The following MACROD2 variants were observed in gnomAD, a reference collection of about 807,000 sequenced individuals.
The protein encoded by MACROD2 is mono-ADP ribosylhydrolase 2.
MACROD2 carries 36 observed loss-of-function variants against 70.4 expected under a neutral mutation model. The ratio of observed to expected loss-of-function variants is 0.51; its 90% CI spans 0.39 to 0.68. The LOEUF (loss-of-function observed/expected upper bound fraction) is 0.68. MACROD2 is among the 30% of genes least tolerant of loss of function. The probability of loss-of-function intolerance (pLI) is 0.00; values close to 1 mark genes in which losing one functional copy is unlikely to be tolerated. For missense variants in MACROD2, 496 were observed against 538.4 expected (o/e 0.92, Z 0.78); for synonymous variants, 172 against 178.8 (o/e 0.96, Z 0.30).
chr20:14,899,858 G>A (rs1009976587), intron 5 of MACROD2, among the ~76,000 whole-genome samples: 2 of 152,146 alleles, frequency 1.3e-5, no homozygotes, highest in African/African-American at 4.8e-5. Flanking sequence ...TAACTGGGCA[G>A]TGTTGGTTGT....
chr20:15,210,571 G>A (rs1402511687), intron 5 of MACROD2, among the ~76,000 whole-genome samples: 8 of 79,274 alleles, frequency 1.0e-4, no homozygotes, highest in Non-Finnish European at 1.4e-4. Context: ...TTTTTTTTTG[G>A]TTTATTTTGT....
intron 3 of MACROD2, among the ~76,000 whole-genome samples, chr20:14,365,278 T>C (rs1053946654): frequency 3.9e-5 from 6 of 151,996 alleles, no homozygotes; most frequent in African/African-American, 1.4e-4. Context: ...AGTATTCTCT[T>C]ATAATCATTT....
chr20:14,873,231 G>C (rs1281133964), intron 5 of MACROD2, among the ~76,000 whole-genome samples: 1 of 152,086 alleles, frequency 6.6e-6, no homozygotes, highest in Non-Finnish European at 1.5e-5. Context: ...TAAACTTATT[G>C]AGTCTTCCTG....
intron 5 of MACROD2, among the ~76,000 whole-genome samples, chr20:14,798,115 T>C (rs1010235377): frequency 1.8e-4 from 28 of 152,028 alleles, no homozygotes; most frequent in African/African-American, 6.8e-4. Context: ...AGTAATTATT[T>C]TCAGATATGT....
At chr20:14,343,917 G>C (rs1182744868) in intron 3 of MACROD2, among the ~76,000 whole-genome samples, 1 of 152,274 alleles carries the variant, frequency 6.6e-6, no homozygotes, top group East Asian at 1.9e-4. Context: ...TCGTCATTTT[G>C]AAACCATCTT....
chr20:15,642,696 C>A (rs2049480376), intron 8 of MACROD2, among the ~76,000 whole-genome samples: 1 of 151,866 alleles, frequency 6.6e-6, no homozygotes, highest in Non-Finnish European at 1.5e-5. Context: ...ATAATCTTTT[C>A]TTTGCTAGAA....
In MACROD2 at chr20:14,337,536, G is replaced by T. The variant is rs564466349; in HGVS notation, c.272-155943G>T. On this transcript the variant is annotated intron_variant, in intron 3 of 17. Coordinates refer to ENST00000684519, the MANE Select transcript of MACROD2 (RefSeq NM_001351661.2). ...AGTCCACACAAAGCCCACGGCAGCT[G>T]CAGGCTGAGCTTGTCCTGCTTCAGA... 4.3e-5 allele frequency: 17 copies of T among 398,602 alleles called. No individual in the cohort carries two copies. The South Asian group carries it at 1.8e-3, about 42-fold the overall frequency. The allele number at this position is 398,602 out of a possible 1,614,324, so 24.7% of individuals were successfully genotyped here. A position where few individuals can be genotyped will look rare whatever the true frequency, so the allele number is the denominator to read the frequency against.
At chr20:15,187,511 A>G (rs934456705) in intron 5 of MACROD2, among the ~76,000 whole-genome samples, 1 of 152,174 alleles carries the variant, frequency 6.6e-6, no homozygotes, top group Non-Finnish European at 1.5e-5. Context: ...AGCTGTCCCC[A>G]TGCACAACAG....
chr20:14,619,899 G>A (rs574128373), intron 4 of MACROD2, among the ~76,000 whole-genome samples: 5 of 152,268 alleles, frequency 3.3e-5, no homozygotes, highest in Non-Finnish European at 5.9e-5. Context: ...AGCCAATAGA[G>A]CCTCCACTGT....
chr20:14,125,038 A>G (rs2148694999), intron 3 of MACROD2, among the ~76,000 whole-genome samples: 1 of 152,278 alleles, frequency 6.6e-6, no homozygotes, highest in East Asian at 1.9e-4. Flanking sequence ...TTCTGAGTGA[A>G]AGAAGCCAGA....
chr20:15,392,408 AT>A (rs1462379819), intron 6 of MACROD2, among the ~76,000 whole-genome samples: 2 of 152,094 alleles, frequency 1.3e-5, no homozygotes, highest in Non-Finnish European at 2.9e-5. Flanking sequence ...ATTTAATGTG[AT>A]TTATTATTTT....
intron 8 of MACROD2, among the ~76,000 whole-genome samples, chr20:15,674,674 G>A (rs1365795505): frequency 1.3e-5 from 2 of 151,740 alleles, no homozygotes; most frequent in Non-Finnish European, 2.9e-5. Flanking sequence ...CTGCATCCTC[G>A]CATGGTAGGC....
chr20:15,253,826 A>C (rs1042592179), intron 6 of MACROD2, among the ~76,000 whole-genome samples: 3 of 152,200 alleles, frequency 2.0e-5, no homozygotes, highest in Non-Finnish European at 1.5e-5. Context: ...ATATTACTTC[A>C]AATTCTGCAG....
chr20:14,939,652 G>T (rs776619131), intron 5 of MACROD2, among the ~76,000 whole-genome samples: 1 of 152,074 alleles, frequency 6.6e-6, no homozygotes, highest in Non-Finnish European at 1.5e-5. Flanking sequence ...GATAGGGATT[G>T]CATTGAATCT....
chr20:14,566,978 G>C (rs1979849157), intron 4 of MACROD2: 1 of 151,646 alleles, frequency 6.6e-6, no homozygotes. Context: ...GTGGGGTCCT[G>C]TTATTTTGCC....
intron 5 of MACROD2, among the ~76,000 whole-genome samples, chr20:15,165,102 T>C (rs554262125): frequency 6.6e-6 from 1 of 150,392 alleles, no homozygotes; most frequent in African/African-American, 2.4e-5. Flanking sequence ...ATAATAGGAG[T>C]GAAAATTAAA....
chr20:15,763,175 G>A (rs557310614), intron 8 of MACROD2, among the ~76,000 whole-genome samples: 50 of 152,198 alleles, frequency 3.3e-4, no homozygotes, highest in African/African-American at 1.1e-3. Context: ...TCTGCGCACC[G>A]CCACTGACAT....
intron 6 of MACROD2, among the ~76,000 whole-genome samples, chr20:15,286,412 G>C (rs1753600619): frequency 6.6e-6 from 1 of 152,024 alleles, no homozygotes; most frequent in Admixed American, 6.5e-5. Flanking sequence ...TCTTTAGTCT[G>C]AAAATATTTA....
chr20:14,181,443 C>G (rs1276062603), intron 3 of MACROD2, among the ~76,000 whole-genome samples: 1 of 151,918 alleles, frequency 6.6e-6, no homozygotes, highest in African/African-American at 2.4e-5. Context: ...TTGCTAAGCA[C>G]TGATTATTTT....
Sources: gnomAD v4.1 joint callset for allele counts (sites outside exome capture counted in the v4.1 genomes callset) on GRCh38, gnomAD v4.1.1 for gene constraint, MANE v1.5 for transcripts, NCBI Gene and HGNC (gene_info 2026-07-23, HGNC 2026-07-21) for gene names.